BRD9: variants seen among roughly 807,000 people sequenced by gnomAD.
BRD9 encodes the protein bromodomain-containing protein 9.
BRD9 carries 47 observed loss-of-function variants against 68.7 expected under a neutral mutation model. The ratio of observed to expected loss-of-function variants is 0.68; its 90% CI spans 0.54 to 0.87. The LOEUF (loss-of-function observed/expected upper bound fraction) is 0.87, where lower values mean the gene tolerates loss of function less well. Among genes scored for constraint, BRD9 ranks in the 40% least tolerant of loss-of-function variants. BRD9 has a pLI of 0.00. For synonymous variants in BRD9, 313 were observed against 293.9 expected, an observed-to-expected ratio of 1.06 and a Z score of -0.67; for missense variants, 670 against 748.4, an observed-to-expected ratio of 0.90 and a Z score of 1.22.
chr5:881,524 G>A lies in BRD9; in HGVS notation c.967-342C>T, dbSNP rs980931513. The A allele has an allele frequency of 1.1e-5, 4 of 375,476 alleles. No homozygotes were observed. The East Asian group carries it at 2.5e-4, about 23-fold the overall frequency. The allele number at this position is 375,476 out of a possible 1,614,324, so 23.3% of individuals were successfully genotyped here. A position where few individuals can be genotyped will look rare whatever the true frequency, so the allele number is the denominator to read the frequency against. ...GCATGGCACTGCCCTGACGGCAGGC[G>A]GCTCCAGCCCTCAAGCATGTGTGGA... On this transcript the variant is annotated intron_variant, in intron 8 of 15. Coordinates refer to ENST00000467963, the MANE Select transcript of BRD9 (RefSeq NM_023924.5).
At chr5:884,319 G>A (rs1351636695) in intron 7 of BRD9, among the ~76,000 whole-genome samples, 7 of 152,172 alleles carry the variant, frequency 4.6e-5, no homozygotes, top group Admixed American at 1.3e-4. Flanking sequence ...TTTCAACGCA[G>A]TGCAAACTCA....
intron 15 of BRD9, among the ~76,000 whole-genome samples, chr5:865,166 A>G (rs1749177968): frequency 6.6e-6 from 1 of 152,194 alleles, no homozygotes; most frequent in South Asian, 2.1e-4. Context: ...GGTGGACAGA[A>G]CTGGGGACGG....
At chr5:883,481 T>A in intron 8 of BRD9, 1 of 455,844 alleles carries the variant, frequency 2.2e-6, no homozygotes, top group South Asian at 1.6e-5. Flanking sequence ...GTCAGCTGAG[T>A]GGGCCCCACC....
At chr5:890,670 A>C (rs1335763230) in intron 3 of BRD9, among the ~76,000 whole-genome samples, 3 of 152,148 alleles carry the variant, frequency 2.0e-5, no homozygotes, top group Non-Finnish European at 4.4e-5. Flanking sequence ...CTTCTTCCCA[A>C]GGGGAATTAC....
At chr5:891,351 A>C in intron 2 of BRD9, 64 bp from the exon 3 acceptor site, 1 of 1,518,958 alleles carries the variant, frequency 6.6e-7, no homozygotes, top group South Asian at 1.3e-5. Context: ...AGGTCTGCCC[A>C]ATCCCCTCGC....
intron 14 of BRD9, 108 bp from the exon 15 acceptor site, chr5:865,689 A>T: frequency 8.0e-7 from 1 of 1,253,928 alleles, no homozygotes; most frequent in Non-Finnish European, 1.1e-6. Context: ...TCAGGACAAT[A>T]ATTGCTCTGG....
At position 876,650 on chromosome 5, in the gene BRD9, T is replaced by A. The variant is rs1378606894; in HGVS notation, c.1272-438A>T. On this transcript the variant is annotated intron_variant, in intron 11 of 15. Transcript: ENST00000467963. ...GCACTCCTTTTAGTACCATCCTGAT[T>A]CTTGGCCATATACATGAAACAGCTT... 4.6e-5 allele frequency among the ~76,000 whole-genome samples: 7 copies of A among 152,280 alleles called. No individual in the cohort carries two copies. The East Asian group carries it at 7.7e-4, about 17-fold the overall frequency.
chr5:885,177 C>T (rs1435016875), intron 7 of BRD9, among the ~76,000 whole-genome samples: 3 of 152,236 alleles, frequency 2.0e-5, no homozygotes, highest in East Asian at 1.9e-4. Context: ...GGGCTGAGGC[C>T]GGACACAGCC....
chr5:889,697 C>A (rs748707424), intron 3 of BRD9, 50 bp from the exon 4 acceptor site: 93 of 1,603,338 alleles, frequency 5.8e-5, no homozygotes, highest in Non-Finnish European at 7.8e-5. Flanking sequence ...GGTATCCCTT[C>A]ATTAGAGAGC....
intron 12 of BRD9, among the ~76,000 whole-genome samples, chr5:873,669 C>G (rs72703142): frequency 0.033 from 5,042 of 152,272 alleles, 123 homozygotes; most frequent in Non-Finnish European, 0.048. Context: ...TTGCTTGGCG[C>G]CCTGCAAATA....
At chr5:891,368 C>T (rs1753363502) in intron 2 of BRD9, 81 bp from the exon 3 acceptor site, 6 of 1,494,878 alleles carry the variant, frequency 4.0e-6, no homozygotes, top group Non-Finnish European at 9.0e-7. Flanking sequence ...TCGCAGTTCT[C>T]AGGGGAGGGA....
intron 14 of BRD9, 56 bp from the exon 15 acceptor site, chr5:865,637 T>C: frequency 2.0e-6 from 3 of 1,527,056 alleles, no homozygotes; most frequent in Non-Finnish European, 2.6e-6. Context: ...CCGTCTACCC[T>C]AAGGGCAGGA....
chr5:865,261 A>G (rs1749204878), intron 15 of BRD9, among the ~76,000 whole-genome samples, 153 bp downstream of exon 15: 1 of 152,202 alleles, frequency 6.6e-6, no homozygotes. Flanking sequence ...CCGCGACCCA[A>G]GGACATCTGT....
chr5:881,301 G>T, intron 8 of BRD9, 119 bp from the exon 9 acceptor site: 2 of 918,288 alleles, frequency 2.2e-6, no homozygotes, highest in Non-Finnish European at 3.4e-6. Context: ...AAGAACAAAC[G>T]CCAGAGGGCC....
chr5:888,916 G>T, intron 5 of BRD9, 105 bp downstream of exon 5: 1 of 1,244,216 alleles, frequency 8.0e-7, no homozygotes, highest in Non-Finnish European at 1.1e-6. Flanking sequence ...AGAAACACCT[G>T]TGAAAGCTCA....
Position 892,666 on chromosome 5 carries a change from C to CGGCGGCGGGCCCGA in BRD9, c.-23_-10dup. The stretch of plus-strand genomic sequence containing the variant: ...TTGTGCTTCTTGCCCATGGCGGCGC[C>CGGCGGCGGGCCCGA]GGCGGCGGGCCCGAGGCGGGGGCTG... On this transcript the variant is annotated 5_prime_UTR_variant, in exon 1 of 16. Transcript: ENST00000467963. The CGGCGGCGGGCCCGA allele has an allele frequency of 7.1e-7, 1 of 1,411,300 alleles. No homozygotes were observed. Among genetic ancestry groups the CGGCGGCGGGCCCGA allele is most frequent in the South Asian group, 1.6e-5 (1 of 64,324 alleles). 87.4% of individuals were successfully genotyped at this position (1,411,300 alleles called of 1,614,324 possible).
intron 15 of BRD9, 113 bp downstream of exon 15, chr5:865,301 C>G: frequency 7.3e-7 from 1 of 1,363,438 alleles, no homozygotes; most frequent in Non-Finnish European, 9.8e-7. Flanking sequence ...AGCACCGCTG[C>G]CCATGCAGCC....
chr5:872,615 A>C (rs1750312797), intron 12 of BRD9, among the ~76,000 whole-genome samples: 1 of 152,176 alleles, frequency 6.6e-6, no homozygotes, highest in Admixed American at 6.5e-5. Flanking sequence ...CAGGCTCTGC[A>C]GAGGGGGCTG....
Position 865,575 on chromosome 5 carries a change from A to G in BRD9, c.1532T>C (p.Val511Ala), listed in dbSNP as rs756457315. The change falls in exon 15 of 16, where the codon GTG becomes GCG. Residue 511 changes from valine to alanine, a missense_variant. Val to Ala is a moderately conservative substitution (Grantham distance 64). Transcript: ENST00000467963. ...DISMLSSLGKVKKELDPDDSH... is the reference protein window; with the variant it reads ...DISMLSSLGKAKKELDPDDSH... ...GTCGTCAGGGTCCAGCTCCTTCTTC[A>G]CCTTCCCTGTGTAAACAGGACATGA... 4.4e-6 allele frequency: 7 copies of G among 1,597,548 alleles called. No homozygotes were observed. In the South Asian group the frequency reaches 7.7e-5, roughly 18 times the overall value.
Sources: gnomAD v4.1 joint callset for allele counts (sites outside exome capture counted in the v4.1 genomes callset) on GRCh38, gnomAD v4.1.1 for gene constraint, MANE v1.5 for transcripts, NCBI Gene and HGNC (gene_info 2026-07-23, HGNC 2026-07-21) for gene names.